Variants in ACOXL observed in about 807,000 individuals in gnomAD.
ACOXL encodes the protein acyl-CoA oxidase like.
ACOXL carries 70 observed loss-of-function variants against 71.9 expected under a neutral mutation model. The ratio of observed to expected loss-of-function variants is 0.97; its 90% CI spans 0.80 to 1.19. The LOEUF is 1.19. ACOXL is among the 50% of genes most tolerant of loss of function. ACOXL has a pLI of 0.00. For missense variants in ACOXL, 703 were observed against 736.3 expected (o/e 0.95, Z 0.52); for synonymous variants, 253 against 281.6 (o/e 0.90, Z 1.02).
At chr2:110,826,473 C>T (rs1198983382) in intron 9 of ACOXL, among the ~76,000 whole-genome samples, 1 of 152,186 alleles carries the variant, frequency 6.6e-6, no homozygotes, top group African/African-American at 2.4e-5. Flanking sequence ...GCACTTGGCA[C>T]CATGTTTGAC....
intron 3 of ACOXL, among the ~76,000 whole-genome samples, chr2:110,787,519 G>A (rs1213152179): frequency 1.0e-4 from 13 of 126,138 alleles, no homozygotes; most frequent in Non-Finnish European, 1.9e-4. Context: ...GGGTGACAGA[G>A]CAAGACTCCG....
chr2:110,793,539 C>A, intron 3 of ACOXL, 111 bp from the exon 4 acceptor site: 4 of 983,048 alleles, frequency 4.1e-6, no homozygotes, highest in South Asian at 2.7e-5. Flanking sequence ...GGGCTTAGGT[C>A]AAGCACAGGG....
intron 7 of ACOXL, among the ~76,000 whole-genome samples, chr2:110,799,859 A>G (rs1008212661): frequency 6.6e-6 from 1 of 152,128 alleles, no homozygotes; most frequent in African/African-American, 2.4e-5. Flanking sequence ...AGATTGTGAA[A>G]TGCACCAATC....
chr2:111,053,658 C>T (rs2066402956), intron 16 of ACOXL, among the ~76,000 whole-genome samples: 1 of 152,224 alleles, frequency 6.6e-6, no homozygotes, highest in African/African-American at 2.4e-5. Flanking sequence ...CTCCTGGTGA[C>T]AGTCTGCACT....
chr2:111,084,258 TACACACACACACACAC>T (rs61263209), intron 16 of ACOXL, among the ~76,000 whole-genome samples: 4,101 of 134,992 alleles, frequency 0.03, 166 homozygotes, highest in African/African-American at 0.096. Context: ...ATCTAAGGAA[TACACACACACACACAC>T]ACACACACAC....
At chr2:110,969,346 A>G (rs2062074722) in intron 12 of ACOXL, among the ~76,000 whole-genome samples, 1 of 152,208 alleles carries the variant, frequency 6.6e-6, no homozygotes, top group Non-Finnish European at 1.5e-5. Context: ...ATAAAATTGA[A>G]GCCAGGAGAA....
At chr2:110,954,492 C>CTTA (rs2061429300) in intron 12 of ACOXL, among the ~76,000 whole-genome samples, 1 of 152,116 alleles carries the variant, frequency 6.6e-6, no homozygotes, top group South Asian at 2.1e-4. Flanking sequence ...TCTACTTATG[C>CTTA]TTATTTTGTG....
intron 11 of ACOXL, among the ~76,000 whole-genome samples, chr2:110,928,216 C>A (rs1002090201): frequency 1.3e-5 from 2 of 152,204 alleles, no homozygotes; most frequent in African/African-American, 4.8e-5. Flanking sequence ...AACACACATT[C>A]AAGTTCTTGC....
At chr2:110,735,920 C>G (rs1398587721) in intron 1 of ACOXL, among the ~76,000 whole-genome samples, 1 of 152,182 alleles carries the variant, frequency 6.6e-6, no homozygotes, top group Non-Finnish European at 1.5e-5. Context: ...GTACAGCACA[C>G]ACCTCTCACC....
At chr2:111,019,098 G>A (rs892909927) in intron 14 of ACOXL, among the ~76,000 whole-genome samples, 22 of 152,156 alleles carry the variant, frequency 1.4e-4, no homozygotes, top group African/African-American at 5.3e-4. Context: ...AGGGCAGTCA[G>A]GTTCCATAAC....
At position 110,818,547 on chromosome 2, in the gene ACOXL, G is replaced by A. The variant is rs1688238131; in HGVS notation, c.753+13152G>A. On this transcript the variant is annotated intron_variant, in intron 9 of 17. Coordinates refer to ENST00000439055, the MANE Select transcript of ACOXL (RefSeq NM_001142807.4). ...TGTATATATATATGTGTATAAGTAGGTATATATATGTATGTGTATATATAT... is the reference window on the plus strand; with the variant it reads ...TGTATATATATATGTGTATAAGTAGATATATATATGTATGTGTATATATAT... Among the ~76,000 whole-genome samples, 3 of 148,996 alleles carry A rather than the reference G, an allele frequency of 2.0e-5. No individual in the cohort carries two copies. In the South Asian group the frequency reaches 6.3e-4, roughly 32 times the overall value.
intron 10 of ACOXL, 24 bp downstream of exon 10, chr2:110,841,429 T>C (rs761111415): frequency 6.3e-7 from 1 of 1,596,188 alleles, no homozygotes; most frequent in Non-Finnish European, 8.6e-7. Flanking sequence ...TTTTTGTTTC[T>C]TTTAAGAATT....
chr2:110,853,915 T>G (rs986020938), intron 10 of ACOXL, among the ~76,000 whole-genome samples: 3 of 19,170 alleles, frequency 1.6e-4, no homozygotes, highest in African/African-American at 3.1e-4. Context: ...GGACACTTGT[T>G]TTTTTTTTTT....
At chr2:110,805,115 C>T in intron 8 of ACOXL, 148 bp from the exon 9 acceptor site, 1 of 1,005,604 alleles carries the variant, frequency 9.9e-7, no homozygotes, top group South Asian at 1.5e-5. Flanking sequence ...ACTCCCCCTG[C>T]CCTTATCGGC....
chr2:110,818,629 A>G (rs1349257448), intron 9 of ACOXL, among the ~76,000 whole-genome samples: 1 of 152,030 alleles, frequency 6.6e-6, no homozygotes, highest in South Asian at 2.1e-4. Context: ...TTTTAAAAAG[A>G]CGGGGGATGG....
intron 17 of ACOXL, among the ~76,000 whole-genome samples, chr2:111,115,026 C>T (rs2070249257): frequency 6.6e-6 from 1 of 152,130 alleles, no homozygotes; most frequent in African/African-American, 2.4e-5. Context: ...CAATAGTGCC[C>T]ATGTTTAGGT....
At chr2:110,735,534 G>A (rs1171120434) in intron 1 of ACOXL, among the ~76,000 whole-genome samples, 2 of 152,220 alleles carry the variant, frequency 1.3e-5, no homozygotes, top group East Asian at 3.8e-4. Flanking sequence ...TACACACACT[G>A]GGTGGCCACT....
chr2:110,794,728 A>G lies in ACOXL; in HGVS notation c.345+554A>G, dbSNP rs113747442. On this transcript the variant is annotated intron_variant, in intron 5 of 17. Coordinates refer to ENST00000439055, the MANE Select transcript of ACOXL (RefSeq NM_001142807.4). ...CTTCTACCTTTACTCTATATGGTCAATGCTGAGGTTTTTCCTTTTCATTCT... is the reference window on the plus strand; with the variant it reads ...CTTCTACCTTTACTCTATATGGTCAGTGCTGAGGTTTTTCCTTTTCATTCT... Among the ~76,000 whole-genome samples the G allele has an allele frequency of 4.7e-4, 72 of 152,286 alleles. 1 individual carries two copies. Among genetic ancestry groups the G allele is most frequent in the African/African-American group, 1.5e-3 (61 of 41,558 alleles).
intron 13 of ACOXL, among the ~76,000 whole-genome samples, chr2:110,994,637 G>A (rs1363581281): frequency 6.6e-6 from 1 of 152,064 alleles, no homozygotes; most frequent in Non-Finnish European, 1.5e-5. Context: ...ATGAAATAGA[G>A]TTTCATGATG....
Sources: gnomAD v4.1 joint callset for allele counts (sites outside exome capture counted in the v4.1 genomes callset) on GRCh38, gnomAD v4.1.1 for gene constraint, MANE v1.5 for transcripts, NCBI Gene and HGNC (gene_info 2026-07-23, HGNC 2026-07-21) for gene names.